Variants in MEGF8 observed in about 807,000 individuals in gnomAD.
MEGF8 encodes the protein multiple EGF like domains 8.
MEGF8 carries 156 observed loss-of-function variants against 302.9 expected under a neutral mutation model. That is an observed-to-expected ratio of 0.52 (90% confidence interval 0.45 to 0.59). MEGF8 has a LOEUF of 0.59. MEGF8 is among the 20% of genes least tolerant of loss of function. The probability of loss-of-function intolerance (pLI) is 0.00; values close to 1 mark genes in which losing one functional copy is unlikely to be tolerated. For missense variants in MEGF8, 3,345 were observed against 3,964.5 expected (o/e 0.84, Z 4.20); for synonymous variants, 1,621 against 1,660.5 (o/e 0.98, Z 0.58).
chr19:42,375,828 G>T lies in MEGF8; in HGVS notation c.7591G>T (p.Ala2531Ser), dbSNP rs1356244677. 6.2e-7 allele frequency: 1 copy of T among 1,611,710 alleles called. No individual in the cohort carries two copies. The highest frequency in any genetic ancestry group is 1.1e-5 in the South Asian group (1 of 90,964). Residue 2531 changes from alanine to serine, a missense_variant, in exon 42 of 42, where the codon GCC becomes TCC. By Grantham distance (99) the Ala-to-Ser change is moderately conservative. Transcript: ENST00000251268. The surrounding 1 kb of genome is among the most constrained non-coding windows in gnomAD (Gnocchi z 7.1). Reference protein sequence around the residue: ...VHTVHIQPPPAPPPPPPPADG... With the variant: ...VHTVHIQPPPSPPPPPPPADG... ...TACTGTACACATCCAGCCACCCCCA[G>T]CCCCACCACCTCCACCACCCCCTGC...
intron 8 of MEGF8, among the ~76,000 whole-genome samples, chr19:42,337,631 T>C (rs1206035): frequency 0.084 from 12,673 of 150,278 alleles, 680 homozygotes; most frequent in Middle Eastern, 0.17. Flanking sequence ...CTCAGCCTCC[T>C]GCATCGCTGG....
Position 42,371,562 on chromosome 19 carries a change from G to C in MEGF8, c.7269+80G>C, listed in dbSNP as rs2039691262. The stretch of plus-strand genomic sequence containing the variant: ...GGGCTGGGATGAGGTAGCCAGGCTC[G>C]GGCAGGACTGACAACATGGTTCCAA... On this transcript the variant is annotated intron_variant, in intron 41 of 41. Coordinates refer to ENST00000251268, the MANE Select transcript of MEGF8 (RefSeq NM_001271938.2). The C allele has an allele frequency of 1.3e-5, 20 of 1,576,324 alleles. 1 individual carries two copies. In the South Asian group the frequency reaches 1.7e-4, roughly 13 times the overall value.
At chr19:42,359,405 CTT>C (rs75689235) in intron 31 of MEGF8, among the ~76,000 whole-genome samples, 163 bp downstream of exon 31, 2 of 149,312 alleles carry the variant, frequency 1.3e-5, no homozygotes, top group African/African-American at 2.5e-5. Context: ...GCCCTCCTTC[CTT>C]TTTTTTTTCT....
intron 41 of MEGF8, among the ~76,000 whole-genome samples, chr19:42,371,949 T>G (rs1393452557): frequency 6.6e-6 from 1 of 151,858 alleles, no homozygotes; most frequent in Non-Finnish European, 1.5e-5. Flanking sequence ...CCTGGCATGG[T>G]GGTGCACATC....
At chr19:42,335,499 T>C in intron 5 of MEGF8, 114 bp downstream of exon 5, 3 of 908,840 alleles carry the variant, frequency 3.3e-6, no homozygotes, top group Non-Finnish European at 1.7e-6. Flanking sequence ...CAGCTTGATA[T>C]AGGAACCTAC....
At chr19:42,366,824 C>T (rs1405567477) in intron 35 of MEGF8, among the ~76,000 whole-genome samples, 1 of 152,170 alleles carries the variant, frequency 6.6e-6, no homozygotes, top group African/African-American at 2.4e-5. Flanking sequence ...GGGTTCTCTA[C>T]CCCTCCCAGA....
intron 1 of MEGF8, among the ~76,000 whole-genome samples, chr19:42,326,766 G>A (rs1162085754): frequency 4.0e-5 from 6 of 149,166 alleles, no homozygotes; most frequent in Non-Finnish European, 8.9e-5. Context: ...TTTTGAGATG[G>A]GGGCCTCACT....
chr19:42,377,097 CAT>C lies in MEGF8; in HGVS notation c.*323_*324del, dbSNP rs1273179964. ...CCCCACACGCATACACACATGAACA[CAT>C]GCACATGTGCACACACAAGTAAGAT... On this transcript the variant is annotated 3_prime_UTR_variant, in exon 42 of 42. Coordinates refer to ENST00000251268, the MANE Select transcript of MEGF8 (RefSeq NM_001271938.2). 1 of 324,612 alleles carries C rather than the reference CAT, an allele frequency of 3.1e-6. No homozygotes were observed. The highest frequency in any genetic ancestry group is 4.8e-5 in the East Asian group (1 of 20,910). The allele number at this position is 324,612 out of a possible 1,614,324, so 20.1% of individuals were successfully genotyped here. A position where few individuals can be genotyped will look rare whatever the true frequency, so the allele number is the denominator to read the frequency against.
chr19:42,360,974 T>C lies in MEGF8; in HGVS notation c.5688T>C (p.His1896=). 8 of 1,572,082 alleles carry C rather than the reference T, an allele frequency of 5.1e-6. No individual in the cohort carries two copies. The highest frequency in any genetic ancestry group is 6.9e-6 in the Non-Finnish European group (8 of 1,156,848). ...CNQSGACTWC[H]GACLSGDQAH... ...AGTCTGGGGCCTGCACCTGGTGCCA[T>C]GGGGCCTGCTTGTCCGGGGATCAGG... The change falls in exon 32 of 42, where the codon CAT becomes CAC. Residue 1896 remains histidine, a synonymous_variant. Coordinates refer to ENST00000251268, the MANE Select transcript of MEGF8 (RefSeq NM_001271938.2).
At chr19:42,338,604 G>A (rs1235326833) in intron 8 of MEGF8, among the ~76,000 whole-genome samples, 4 of 152,010 alleles carry the variant, frequency 2.6e-5, no homozygotes, top group Non-Finnish European at 4.4e-5. Context: ...TCAAGTGTCT[G>A]TTGTTCCCTT....
intron 1 of MEGF8, among the ~76,000 whole-genome samples, chr19:42,328,121 G>A (rs185125254): frequency 2.6e-5 from 4 of 152,268 alleles, no homozygotes; most frequent in African/African-American, 9.6e-5. Context: ...ACAAGACAAC[G>A]AATGAGCCAG....
rs2039778042 is a variant in MEGF8, at chr19:42,376,856, C to T, written c.*81C>T. 7.9e-6 allele frequency: 11 copies of T among 1,387,850 alleles called. No individual in the cohort carries two copies. In the Admixed American group the frequency reaches 1.6e-4, roughly 20 times the overall value. 86.0% of individuals were successfully genotyped at this position (1,387,850 alleles called of 1,614,324 possible). A position where few individuals can be genotyped will look rare whatever the true frequency, so the allele number is the denominator to read the frequency against. ...CTTGGGGTCCCTCCACCTGGGGGCC[C>T]CTGGACACTGTCTACTTGGAGACCA... On this transcript the variant is annotated 3_prime_UTR_variant, in exon 42 of 42. Coordinates refer to ENST00000251268, the MANE Select transcript of MEGF8 (RefSeq NM_001271938.2). The surrounding 1 kb of genome is among the most constrained non-coding windows in gnomAD (Gnocchi z 8.2).
chr19:42,376,043 C>T lies in MEGF8; in HGVS notation c.7806C>T (p.His2602=), dbSNP rs369259843. 4.0e-5 allele frequency: 64 copies of T among 1,603,838 alleles called. No individual in the cohort carries two copies. The highest frequency in any genetic ancestry group is 5.0e-5 in the Admixed American group (3 of 59,794). ...ACCGGCTGGTCATCACCTACCCACA[C>T]GAGCACCATGCCCTCAAGTCGAGCC... The part of the protein sequence containing the change: ...VRDRLVITYP[H]EHHALKSSRF... The change falls in exon 42 of 42, where the codon CAC becomes CAT. Residue 2602 remains histidine, a synonymous_variant. Transcript: ENST00000251268. This position sits in a 1 kb window ranked among gnomAD's most constrained non-coding sequence, Gnocchi z 8.2.
chr19:42,360,183 G>A (rs1043952882), intron 31 of MEGF8, among the ~76,000 whole-genome samples: 2 of 149,082 alleles, frequency 1.3e-5, no homozygotes, highest in Non-Finnish European at 3.0e-5. Context: ...GGCATTTAGT[G>A]CCTTCAGAGA....
chr19:42,362,392 C>T lies in MEGF8; in HGVS notation c.5853C>T (p.Thr1951=). The stretch of plus-strand genomic sequence containing the variant: ...CTGTCTTCCCTCACCAGGCGTCCAC[C>T]CCCCGCTGTAAGTGGTGTACCAACT... The part of the protein sequence containing the change: ...TLQPGDGEAS[T]PRCKWCTNCP... Residue 1951 remains threonine (T), a synonymous_variant, in exon 34 of 42, where the codon ACC becomes ACT. Coordinates refer to ENST00000251268, the MANE Select transcript of MEGF8 (RefSeq NM_001271938.2). 6.2e-7 allele frequency: 1 copy of T among 1,613,906 alleles called. No homozygotes were observed. Among genetic ancestry groups the T allele is most frequent in the Non-Finnish European group, 8.5e-7 (1 of 1,179,872 alleles).
At position 42,358,078 on chromosome 19, in the gene MEGF8, G is replaced by A. The variant is rs949165069; in HGVS notation, c.5012-66G>A. The A allele has an allele frequency of 9.9e-6, 14 of 1,410,166 alleles. No homozygotes were observed. Among genetic ancestry groups the A allele is most frequent in the Middle Eastern group, 3.7e-4 (2 of 5,398 alleles). 87.4% of individuals were successfully genotyped at this position (1,410,166 alleles called of 1,614,324 possible). On this transcript the variant is annotated intron_variant, in intron 28 of 41. Transcript: ENST00000251268. This position sits in a 1 kb window ranked among gnomAD's most constrained non-coding sequence, Gnocchi z 4.4. ...GGGAGTGGTCACCGAACAGGGGACCGGGAGGTCGGCGGGGTCAGTGCTGTT... is the reference window on the plus strand; with the variant it reads ...GGGAGTGGTCACCGAACAGGGGACCAGGAGGTCGGCGGGGTCAGTGCTGTT...
chr19:42,349,484 T>A lies in MEGF8; in HGVS notation c.2299-15T>A. On this transcript the variant is annotated splice_polypyrimidine_tract_variant and intron_variant, in intron 13 of 41. Coordinates refer to ENST00000251268, the MANE Select transcript of MEGF8 (RefSeq NM_001271938.2). ...GGGTTCTGAGGCCCCTGCCTATCAC[T>A]CACACCTACCCCAGGAGGAGGTGGG... The A allele has an allele frequency of 1.2e-6, 2 of 1,605,452 alleles. No homozygotes were observed. Among genetic ancestry groups the A allele is most frequent in the African/African-American group, 2.7e-5 (2 of 74,764 alleles).
chr19:42,326,712 G>T (rs375324463), intron 1 of MEGF8, among the ~76,000 whole-genome samples: 2 of 151,164 alleles, frequency 1.3e-5, no homozygotes, highest in African/African-American at 4.9e-5. Flanking sequence ...CAATCATTTG[G>T]CTTTGAATTT....
At chr19:42,361,086 G>A in intron 32 of MEGF8, 80 bp downstream of exon 32, 1 of 1,399,966 alleles carries the variant, frequency 7.1e-7, no homozygotes, top group Non-Finnish European at 9.6e-7. Context: ...CCAGGATGGA[G>A]GCCTCAGGAG....
Sources: allele counts gnomAD v4.1 joint callset (sites outside exome capture counted in the v4.1 genomes callset), GRCh38; gene constraint gnomAD v4.1.1; non-coding constraint Gnocchi (gnomAD v3.1); transcripts MANE v1.5; gene names NCBI Gene and HGNC (gene_info 2026-07-23, HGNC 2026-07-21).